SLC44A3: variants seen among roughly 807,000 people sequenced by gnomAD.
The protein encoded by SLC44A3 is choline transporter-like protein 3.
SLC44A3 carries 74 observed loss-of-function variants against 75.4 expected under a neutral mutation model. That is an observed-to-expected ratio of 0.98 (90% CI 0.81 to 1.19). The LOEUF is 1.19. Ranked by LOEUF, SLC44A3 falls within the 50% of genes most tolerant of loss-of-function variation. SLC44A3 has a pLI of 0.00. For missense variants in SLC44A3, 700 were observed against 778.6 expected, an observed-to-expected ratio of 0.90 and a Z score of 1.20; for synonymous variants, 310 against 296.9, an observed-to-expected ratio of 1.04 and a Z score of -0.45.
At chr1:94,888,675 T>C (rs1669869399) in intron 12 of SLC44A3, 1 of 984,550 alleles carries the variant, frequency 1.0e-6, no homozygotes, top group South Asian at 4.7e-5. Flanking sequence ...ATCTGACGTC[T>C]CACTGAAAAT....
chr1:94,844,048 A>G (rs1255952066), intron 8 of SLC44A3, among the ~76,000 whole-genome samples: 1 of 152,214 alleles, frequency 6.6e-6, no homozygotes, highest in Non-Finnish European at 1.5e-5. Flanking sequence ...TGTACTGGGC[A>G]CTTTGCCAGT....
At chr1:94,873,226 T>C (rs1667952660) in intron 12 of SLC44A3, among the ~76,000 whole-genome samples, 2 of 152,230 alleles carry the variant, frequency 1.3e-5, no homozygotes, top group Admixed American at 1.3e-4. Flanking sequence ...GGATCTGTGC[T>C]GCATCCCCTT....
chr1:94,830,990 A>G (rs1662048669), intron 5 of SLC44A3, among the ~76,000 whole-genome samples: 1 of 152,218 alleles, frequency 6.6e-6, no homozygotes, highest in African/African-American at 2.4e-5. Context: ...TGATGCAGAG[A>G]GGTTTAAGTT....
chr1:94,833,920 A>G (rs1054964677), intron 5 of SLC44A3, among the ~76,000 whole-genome samples: 2 of 152,302 alleles, frequency 1.3e-5, no homozygotes, highest in African/African-American at 4.8e-5. Flanking sequence ...AATGACTAAT[A>G]AGGAGCTGAT....
At chr1:94,869,291 T>G (rs1053076593) in intron 12 of SLC44A3, among the ~76,000 whole-genome samples, 1 of 152,262 alleles carries the variant, frequency 6.6e-6, no homozygotes, top group Non-Finnish European at 1.5e-5. Context: ...TTAATGACCA[T>G]TGTGAAGGTG....
At chr1:94,859,334 A>T (rs1666293401) in intron 10 of SLC44A3, among the ~76,000 whole-genome samples, 2 of 152,144 alleles carry the variant, frequency 1.3e-5, no homozygotes, top group Admixed American at 1.3e-4. Context: ...AAAGATTGAA[A>T]CAGGCACAAA....
chr1:94,838,446 A>G (rs759483071), intron 6 of SLC44A3, among the ~76,000 whole-genome samples: 1 of 152,064 alleles, frequency 6.6e-6, no homozygotes, highest in Non-Finnish European at 1.5e-5. Context: ...TTGAGTTCCC[A>G]TTTTCTATGT....
At chr1:94,860,549 G>T (rs1480076310) in intron 10 of SLC44A3, among the ~76,000 whole-genome samples, 2 of 152,130 alleles carry the variant, frequency 1.3e-5, no homozygotes, top group African/African-American at 4.8e-5. Flanking sequence ...AAGATCACAG[G>T]CAAAGGATCA....
At position 94,836,780 on chromosome 1, in the gene SLC44A3, A is replaced by G. The variant is rs115850856; in HGVS notation, c.510-931A>G. 6.0e-3 allele frequency: 911 copies of G among 152,264 alleles called. 8 individuals carry two copies. The highest frequency in any genetic ancestry group is 7.4e-3 in the Non-Finnish European group (506 of 68,062). 9.4% of individuals were successfully genotyped at this position (152,264 alleles called of 1,614,324 possible). On this transcript the variant is annotated intron_variant, in intron 5 of 14. Transcript: ENST00000271227. ...GCAAAAATTAGCTGGGCGTGGTGGC[A>G]CATGCCTGTAGTCTCAGCTACTCAG... is the stretch of plus-strand genomic sequence containing the variant.
At chr1:94,840,169 A>G (rs1663390314) in intron 7 of SLC44A3, 132 bp downstream of exon 7, 1 of 751,576 alleles carries the variant, frequency 1.3e-6, no homozygotes, top group Non-Finnish European at 2.2e-6. Flanking sequence ...TCACTTTACA[A>G]ATGAGAAAAC....
chr1:94,878,105 G>A (rs1405388793), intron 12 of SLC44A3, among the ~76,000 whole-genome samples: 2 of 152,094 alleles, frequency 1.3e-5, no homozygotes, highest in African/African-American at 2.4e-5. Context: ...GAGGTGGCGG[G>A]CGCCTGTAGT....
At position 94,892,305 on chromosome 1, in the gene SLC44A3, T is replaced by C; in HGVS notation, c.1645T>C (p.Phe549Leu). ...GGTGTTAGTGGTGTGTTTCACTGTT[T>C]TTGGAGGACTCATGGCTTTTAACTA... ...GKVLVVCFTVFGGLMAFNYNR... is the reference protein window; with the variant it reads ...GKVLVVCFTVLGGLMAFNYNR... Residue 549 changes from phenylalanine (F) to leucine (L), a missense_variant, in exon 14 of 15, where the codon TTT becomes CTT. Transcript: ENST00000271227. 1 of 1,614,198 alleles carries C rather than the reference T, an allele frequency of 6.2e-7. No individual in the cohort carries two copies. Among genetic ancestry groups the C allele is most frequent in the Non-Finnish European group, 8.5e-7 (1 of 1,180,030 alleles).
chr1:94,831,900 A>G (rs568261838), intron 5 of SLC44A3, among the ~76,000 whole-genome samples: 1 of 152,310 alleles, frequency 6.6e-6, no homozygotes, highest in South Asian at 2.1e-4. Flanking sequence ...TGAGCCGGGC[A>G]TAGTGGCTCA....
At chr1:94,832,907 T>C (rs945353912) in intron 5 of SLC44A3, among the ~76,000 whole-genome samples, 4 of 151,936 alleles carry the variant, frequency 2.6e-5, no homozygotes, top group African/African-American at 9.7e-5. Flanking sequence ...TTTGAGGTTG[T>C]AGTGAGCTGT....
chr1:94,854,895 A>G lies in SLC44A3; in HGVS notation c.1073-2440A>G, dbSNP rs148536708. Among the ~76,000 whole-genome samples the G allele has an allele frequency of 3.2e-3, 493 of 151,850 alleles. 4 individuals carry two copies. Among genetic ancestry groups the G allele is most frequent in the African/African-American group, 0.012 (479 of 41,366 alleles). On this transcript the variant is annotated intron_variant, in intron 9 of 14. Coordinates refer to ENST00000271227, the MANE Select transcript of SLC44A3 (RefSeq NM_001114106.3). Reference sequence around the variant, plus strand: ...GCAGGACAGCCCCAGCCCCAGCCCCAGCCCCAGCGAAGATCTGGTCCACAA... The same window carrying G: ...GCAGGACAGCCCCAGCCCCAGCCCCGGCCCCAGCGAAGATCTGGTCCACAA...
chr1:94,868,551 A>G (rs1667420505), intron 12 of SLC44A3, among the ~76,000 whole-genome samples: 1 of 151,942 alleles, frequency 6.6e-6, no homozygotes, highest in Non-Finnish European at 1.5e-5. Flanking sequence ...ATGGGGGGGA[A>G]CATATAACAA....
intron 10 of SLC44A3, 37 bp downstream of exon 10, chr1:94,857,537 G>A (rs1456126871): frequency 6.3e-7 from 1 of 1,577,556 alleles, no homozygotes; most frequent in Non-Finnish European, 8.6e-7. Flanking sequence ...GTTTGTCTAT[G>A]TGGTTTATCT....
intron 12 of SLC44A3, among the ~76,000 whole-genome samples, chr1:94,868,138 A>G (rs989679562): frequency 3.9e-5 from 6 of 152,156 alleles, no homozygotes; most frequent in Admixed American, 1.3e-4. Context: ...TTTCAAATTG[A>G]TGGAAATTTA....
chr1:94,827,440 AG>A, intron 3 of SLC44A3, 66 bp from the exon 4 acceptor site: 1 of 1,586,282 alleles, frequency 6.3e-7, no homozygotes, highest in Admixed American at 1.7e-5. Context: ...ATATTTTTTA[AG>A]GCCCACAATT....
Sources: gnomAD v4.1 joint callset for allele counts (sites outside exome capture counted in the v4.1 genomes callset) on GRCh38, gnomAD v4.1.1 for gene constraint, MANE v1.5 for transcripts, NCBI Gene and HGNC (gene_info 2026-07-23, HGNC 2026-07-21) for gene names.